The following TTC28 variants were observed in gnomAD, a reference collection of about 807,000 sequenced individuals.
TTC28 encodes the protein tetratricopeptide repeat domain 28.
A neutral mutation model predicts 198.0 loss-of-function variants in TTC28; 61 were observed. The ratio of observed to expected loss-of-function variants is 0.31; its 90% CI spans 0.25 to 0.38. The LOEUF (loss-of-function observed/expected upper bound fraction) is 0.38. Among genes scored for constraint, TTC28 ranks in the 10% least tolerant of loss-of-function variants. The pLI is 1.00. For synonymous variants in TTC28, 1,171 were observed against 1,297.8 expected (o/e 0.90, Z 2.10); for missense variants, 2,678 against 3,164.0 (o/e 0.85, Z 3.69).
rs192043234 is a variant in TTC28 at position 28,202,416 on chromosome 22, C to G, written c.934-38817G>C. Among the ~76,000 whole-genome samples, 303 of 151,832 alleles carry G rather than the reference C, an allele frequency of 2.0e-3. 2 individuals carry two copies. The highest frequency in any genetic ancestry group is 6.8e-3 in the African/African-American group (280 of 41,406). ...GCAGGGCATGGCAGCAGGAGCCTGT[C>G]ATCTCAGCTATTCAGGAGGCTGAGG... is the stretch of plus-strand genomic sequence containing the variant. On this transcript the variant is annotated intron_variant, in intron 5 of 22. Coordinates refer to ENST00000397906, the MANE Select transcript of TTC28 (RefSeq NM_001145418.2).
At chr22:28,563,230 T>C (rs774210892) in intron 2 of TTC28, among the ~76,000 whole-genome samples, 3 of 152,200 alleles carry the variant, frequency 2.0e-5, no homozygotes, top group Non-Finnish European at 4.4e-5. Flanking sequence ...TGACCTTACA[T>C]TGAAAATGTA....
intron 2 of TTC28, among the ~76,000 whole-genome samples, chr22:28,474,266 G>A (rs1440598316): frequency 2.6e-5 from 4 of 152,178 alleles, no homozygotes; most frequent in Non-Finnish European, 5.9e-5. Flanking sequence ...CTTGGCAGAA[G>A]CAAAACTTAA....
At chr22:28,366,976 A>G (rs191491679) in intron 2 of TTC28, among the ~76,000 whole-genome samples, 1 of 152,196 alleles carries the variant, frequency 6.6e-6, no homozygotes, top group African/African-American at 2.4e-5. Flanking sequence ...ACAGACCCCA[A>G]TACAATCATA....
At chr22:28,053,973 G>A (rs942389265) in intron 12 of TTC28, among the ~76,000 whole-genome samples, 12 of 152,246 alleles carry the variant, frequency 7.9e-5, no homozygotes, top group African/African-American at 1.7e-4. Flanking sequence ...GCATCCTGAC[G>A]TTTGTTAGCT....
intron 2 of TTC28, among the ~76,000 whole-genome samples, chr22:28,404,114 T>A (rs1251661176): frequency 6.6e-6 from 1 of 152,016 alleles, no homozygotes; most frequent in African/African-American, 2.4e-5. Context: ...ATATATGTTT[T>A]TTGTTTGTTT....
chr22:28,603,999 C>T (rs186814333), intron 2 of TTC28, among the ~76,000 whole-genome samples: 26 of 152,044 alleles, frequency 1.7e-4, no homozygotes, highest in Admixed American at 3.9e-4. Flanking sequence ...GTTTCTTGGC[C>T]GGGTGTGGTG....
intron 8 of TTC28, among the ~76,000 whole-genome samples, chr22:28,101,968 A>G (rs1697815009): frequency 6.6e-6 from 1 of 152,158 alleles, no homozygotes; most frequent in Non-Finnish European, 1.5e-5. Flanking sequence ...AGCAGGAGAC[A>G]GGTTTGCTGG....
chr22:27,991,688 C>T (rs1248681510), intron 19 of TTC28, among the ~76,000 whole-genome samples: 1 of 152,218 alleles, frequency 6.6e-6, no homozygotes, highest in East Asian at 1.9e-4. Context: ...TCTTCAAGGG[C>T]TGCTCCAGCC....
chr22:28,124,202 G>T (rs1230111455), intron 6 of TTC28, among the ~76,000 whole-genome samples: 1 of 135,894 alleles, frequency 7.4e-6, no homozygotes, highest in African/African-American at 2.8e-5. Flanking sequence ...GTTGTTGTTT[G>T]TTTTTTGTTT....
chr22:28,364,174 T>G (rs1358631032), intron 2 of TTC28, among the ~76,000 whole-genome samples: 2 of 152,316 alleles, frequency 1.3e-5, no homozygotes, highest in Admixed American at 6.5e-5. Flanking sequence ...AACTGAATCA[T>G]GTGGGCAAGT....
At position 28,163,495 on chromosome 22, in the gene TTC28, T is replaced by G. The variant is rs1569171693; in HGVS notation, c.1038A>C (p.Gln346His). 17 of 1,551,636 alleles carry G rather than the reference T, an allele frequency of 1.1e-5. No homozygotes were observed. Among genetic ancestry groups the G allele is most frequent in the Non-Finnish European group, 1.4e-5 (16 of 1,147,016 alleles). Residue 346 changes from glutamine to histidine, a missense_variant, in exon 6 of 23, where the codon CAA (glutamine) becomes CAC (histidine). Gln to His is a conservative substitution (Grantham distance 24). Transcript: ENST00000397906. ...GGGCTTCAGAAAGTTCATCTTTGGATTGCTTGGCAAGAAGAACACACTGTT... is the reference window on the plus strand; with the variant it reads ...GGGCTTCAGAAAGTTCATCTTTGGAGTGCTTGGCAAGAAGAACACACTGTT... ...SHKQCVLLAK[Q>H]SKDELSEARE... is the part of the protein sequence containing the mutation.
chr22:28,241,691 T>C (rs959317037), intron 5 of TTC28, among the ~76,000 whole-genome samples: 1 of 152,104 alleles, frequency 6.6e-6, no homozygotes. Flanking sequence ...AGCAGTTCTT[T>C]ATACTAATTT....
intron 5 of TTC28, among the ~76,000 whole-genome samples, chr22:28,292,576 T>C (rs959043157): frequency 3.3e-5 from 5 of 152,198 alleles, no homozygotes; most frequent in African/African-American, 7.2e-5. Context: ...TTGAATAGGA[T>C]TGTGGTAAAT....
At chr22:28,220,828 C>T (rs1927796987) in intron 5 of TTC28, among the ~76,000 whole-genome samples, 2 of 152,088 alleles carry the variant, frequency 1.3e-5, no homozygotes, top group Non-Finnish European at 2.9e-5. Flanking sequence ...ATGTTTGCCA[C>T]AGACATGCTG....
chr22:28,574,970 T>C (rs889449638), intron 2 of TTC28, among the ~76,000 whole-genome samples: 3 of 152,238 alleles, frequency 2.0e-5, no homozygotes, highest in Non-Finnish European at 4.4e-5. Context: ...TCTCCCACTC[T>C]GTGGGCTGTC....
rs1011169889 is a variant in TTC28, at chr22:28,167,621, T to C, written c.934-4022A>G. 3.3e-5 allele frequency among the ~76,000 whole-genome samples: 5 copies of C among 152,260 alleles called. No homozygotes were observed. In the East Asian group the frequency reaches 7.7e-4, roughly 24 times the overall value. Reference sequence around the variant, plus strand: ...AAAGGCCTTTGACAAAATTCAACAATGCTTCATGCTAAAATCTCTCTATAA... The same window carrying C: ...AAAGGCCTTTGACAAAATTCAACAACGCTTCATGCTAAAATCTCTCTATAA... On this transcript the variant is annotated intron_variant, in intron 5 of 22. Transcript: ENST00000397906.
intron 5 of TTC28, among the ~76,000 whole-genome samples, chr22:28,170,949 C>T (rs1922614833): frequency 6.6e-6 from 1 of 151,908 alleles, no homozygotes; most frequent in Admixed American, 6.6e-5. Context: ...ATGCCATCTT[C>T]CTAGGCCTCT....
At chr22:28,416,664 C>T (rs992567557) in intron 2 of TTC28, among the ~76,000 whole-genome samples, 6 of 152,148 alleles carry the variant, frequency 3.9e-5, no homozygotes, top group African/African-American at 7.2e-5. Context: ...GGCTCAGTTT[C>T]GTCACTCCAA....
At chr22:28,299,872 T>C (rs1380763002) in intron 3 of TTC28, among the ~76,000 whole-genome samples, 1 of 152,164 alleles carries the variant, frequency 6.6e-6, no homozygotes, top group Non-Finnish European at 1.5e-5. Context: ...TCTTAGTTGC[T>C]AGCAACATAC....
Sources: gnomAD v4.1 joint callset for allele counts (sites outside exome capture counted in the v4.1 genomes callset) on GRCh38, gnomAD v4.1.1 for gene constraint, MANE v1.5 for transcripts, NCBI Gene and HGNC (gene_info 2026-07-23, HGNC 2026-07-21) for gene names.